The following KLF17 variants were observed in gnomAD, a reference collection of about 807,000 sequenced individuals.
The protein encoded by KLF17 is Krueppel-like factor 17.
Under a neutral mutation model 34.2 loss-of-function variants are expected in KLF17, and 31 were observed. The ratio of observed to expected loss-of-function variants is 0.91; its 90% CI spans 0.68 to 1.22. KLF17 has a LOEUF of 1.22. Ranked by LOEUF, KLF17 falls within the 50% of genes most tolerant of loss-of-function variation. The pLI is 0.00. For synonymous variants in KLF17, 179 were observed against 186.7 expected (o/e 0.96, Z 0.34); for missense variants, 478 against 505.2 (o/e 0.95, Z 0.52).
the KLF17 span, among the ~76,000 whole-genome samples, chr1:44,096,702 C>CATT: frequency 6.6e-6 from 1 of 151,600 alleles, no homozygotes; most frequent in African/African-American, 2.4e-5. Flanking sequence ...GCCCAGCCTA[C>CATT]GGTTTTTAAA....
the KLF17 span, among the ~76,000 whole-genome samples, chr1:44,058,097 T>C: frequency 1.3e-5 from 2 of 152,188 alleles, no homozygotes; most frequent in Non-Finnish European, 2.9e-5. Context: ...AGAGTGATAA[T>C]GGACCCTCCT....
At chr1:44,100,267 AAAAAAAG>A in the KLF17 span, among the ~76,000 whole-genome samples, 1 of 147,100 alleles carries the variant, frequency 6.8e-6, no homozygotes, top group Admixed American at 6.9e-5. Flanking sequence ...CAAAAAAAAA[AAAAAAAG>A]AGAGAGAGAG....
At chr1:44,098,029 C>A in the KLF17 span, among the ~76,000 whole-genome samples, 1 of 152,212 alleles carries the variant, frequency 6.6e-6, no homozygotes, top group Admixed American at 6.5e-5. Context: ...GGCTGGAGTG[C>A]AGTGGTGTGA....
At chr1:44,131,084 C>T (rs538657762) in intron 3 of KLF17, among the ~76,000 whole-genome samples, 2 of 152,168 alleles carry the variant, frequency 1.3e-5, no homozygotes, top group African/African-American at 2.4e-5. Context: ...CGTGAGCCAC[C>T]GCAGCCGGCC....
In KLF17 at chr1:44,129,581, G is replaced by A. The variant is rs758518853; in HGVS notation, c.310G>A (p.Ala104Thr). 6.2e-7 allele frequency: 1 copy of A among 1,614,108 alleles called. No homozygotes were observed. Among genetic ancestry groups the A allele is most frequent in the Non-Finnish European group, 8.5e-7 (1 of 1,180,010 alleles). The change falls in exon 2 of 4, where the codon GCG (alanine) becomes ACG (threonine). Residue 104 changes from alanine to threonine, a missense_variant. Transcript: ENST00000372299. Reference protein sequence around the residue: ...PERGMSYCPQATLTPSRMIYC... With the variant: ...PERGMSYCPQTTLTPSRMIYC... ...GCGTGGTATGAGCTACTGCCCCCAA[G>A]CGACTCTCACTCCTTCCCGGATGAT... is the stretch of plus-strand genomic sequence containing the variant.
chr1:44,067,325 G>T, the KLF17 span, among the ~76,000 whole-genome samples: 2 of 152,142 alleles, frequency 1.3e-5, no homozygotes, highest in Non-Finnish European at 2.9e-5. Context: ...GTATCACAAG[G>T]TATTAGGTAC....
At chr1:44,071,556 T>C in the KLF17 span, among the ~76,000 whole-genome samples, 4 of 152,284 alleles carry the variant, frequency 2.6e-5, no homozygotes, top group African/African-American at 9.6e-5. Context: ...TTCTCTCCTA[T>C]GACCCTGCCT....
At chr1:44,069,097 C>A in the KLF17 span, among the ~76,000 whole-genome samples, 101 of 152,226 alleles carry the variant, frequency 6.6e-4, no homozygotes, top group African/African-American at 2.3e-3. The surrounding 1 kb of genome is among the most constrained non-coding windows in gnomAD (Gnocchi z 4.7). Flanking sequence ...TAAAAGTCTG[C>A]AAACTGAGGC....
At chr1:44,111,723 C>A in the KLF17 span, among the ~76,000 whole-genome samples, 1 of 152,006 alleles carries the variant, frequency 6.6e-6, no homozygotes, top group African/African-American at 2.4e-5. Flanking sequence ...GAAACCCCAT[C>A]TCTACTAAAA....
the KLF17 span, among the ~76,000 whole-genome samples, chr1:44,092,634 CT>C: frequency 2.2e-3 from 319 of 143,972 alleles, no homozygotes; most frequent in Middle Eastern, 7.3e-3. Context: ...CACTCTTTAG[CT>C]TTTTTTTTTT....
chr1:44,101,330 T>C, the KLF17 span, among the ~76,000 whole-genome samples: 1 of 152,242 alleles, frequency 6.6e-6, no homozygotes, highest in Non-Finnish European at 1.5e-5. Context: ...ATTTTTCCAA[T>C]TGTCCTAATA....
chr1:44,128,189 C>G (rs1325293121), intron 1 of KLF17, among the ~76,000 whole-genome samples: 1 of 152,168 alleles, frequency 6.6e-6, no homozygotes, highest in Non-Finnish European at 1.5e-5. Context: ...TCAAGTGATT[C>G]TCCTGCCTCA....
At chr1:44,044,908 T>C in the KLF17 span, 2 of 152,238 alleles carry the variant, frequency 1.3e-5, no homozygotes, top group Admixed American at 1.3e-4. Flanking sequence ...CATTTCGGCT[T>C]CTACTTCAGA....
the KLF17 span, chr1:44,076,481 AGACTCT>A: frequency 2.0e-5 from 3 of 152,362 alleles, no homozygotes; most frequent in South Asian, 6.2e-4. Context: ...TCCTTGTCTC[AGACTCT>A]GCTTTCAAGA....
the KLF17 span, chr1:44,051,046 A>G: frequency 6.6e-6 from 1 of 152,126 alleles, no homozygotes; most frequent in African/African-American, 2.4e-5. Context: ...GGCACCAAAC[A>G]TGCGGCAGAA....
chr1:44,111,889 T>TCAAAA, the KLF17 span, among the ~76,000 whole-genome samples: 527 of 152,160 alleles, frequency 3.5e-3, 2 homozygotes, highest in African/African-American at 0.012. Context: ...CAAGACTATC[T>TCAAAA]CAAAACAAAA....
At chr1:44,095,001 C>T in the KLF17 span, among the ~76,000 whole-genome samples, 16,513 of 150,132 alleles carry the variant, frequency 0.11, 1,209 homozygotes, top group South Asian at 0.26. Flanking sequence ...CCCAGGTTCA[C>T]GCCATTCTCC....
rs749970205 is a variant in KLF17, at chr1:44,129,467, G to A, written c.196G>A (p.Glu66Lys). The A allele has an allele frequency of 6.2e-7, 1 of 1,610,712 alleles. No individual in the cohort carries two copies. The highest frequency in any genetic ancestry group is 8.5e-7 in the Non-Finnish European group (1 of 1,178,026). The change falls in exon 2 of 4, where the codon GAG becomes AAG. Residue 66 changes from glutamate to lysine, a missense_variant. Physicochemically the swap from Glu to Lys is moderately conservative, Grantham distance 56 (BLOSUM62 1). Transcript: ENST00000372299. ...PSIQHFPHSAEMLGSPLVSVE... is the reference protein window; with the variant it reads ...PSIQHFPHSAKMLGSPLVSVE... ...CATTCAGCACTTTCCTCACAGCGCA[G>A]AGATGCTGGGGTCCCCTTTGGTGTC...
At chr1:44,107,656 T>C in the KLF17 span, among the ~76,000 whole-genome samples, 4 of 152,346 alleles carry the variant, frequency 2.6e-5, no homozygotes, top group South Asian at 2.1e-4. Flanking sequence ...CTACCCTTCA[T>C]TGGTCGCTTG....
Sources: gnomAD v4.1 joint callset for allele counts (sites outside exome capture counted in the v4.1 genomes callset) on GRCh38, gnomAD v4.1.1 for gene constraint, Gnocchi (gnomAD v3.1) non-coding constraint, MANE v1.5 for transcripts, NCBI Gene and HGNC (gene_info 2026-07-23, HGNC 2026-07-21) for gene names.